ZBTB20: variants seen among roughly 807,000 people sequenced by gnomAD.
The protein encoded by ZBTB20 is zinc finger and BTB domain containing 20, also known as zinc finger and BTB domain-containing protein 20.
A neutral mutation model predicts 56.9 loss-of-function variants in ZBTB20; 9 were observed. The observed-to-expected ratio is 0.16, with a 90% CI of 0.10 to 0.28. The LOEUF (loss-of-function observed/expected upper bound fraction) is 0.28, where lower values mean the gene tolerates loss of function less well. ZBTB20 is among the 10% of genes least tolerant of loss of function. The pLI is 1.00. For synonymous variants in ZBTB20, 417 were observed against 420.7 expected, an observed-to-expected ratio of 0.99 and a Z score of 0.11; for missense variants, 655 against 1,003.0, an observed-to-expected ratio of 0.65 and a Z score of 4.69.
At chr3:114,462,618 T>C (rs993150859) in intron 7 of ZBTB20, among the ~76,000 whole-genome samples, 1 of 152,156 alleles carries the variant, frequency 6.6e-6, no homozygotes, top group African/African-American at 2.4e-5. Flanking sequence ...ATTTTTTCAA[T>C]AGAAAATATG....
chr3:114,989,030 A>T (rs1330315066), intron 2 of ZBTB20, among the ~76,000 whole-genome samples: 1 of 151,826 alleles, frequency 6.6e-6, no homozygotes, highest in African/African-American at 2.4e-5. Flanking sequence ...GATTGTAAAA[A>T]TTTTCTCCCA....
chr3:115,101,114 C>T (rs939750495), intron 1 of ZBTB20, among the ~76,000 whole-genome samples: 2 of 152,224 alleles, frequency 1.3e-5, no homozygotes, highest in African/African-American at 4.8e-5. Flanking sequence ...ATGCAATGTA[C>T]TCTGTGTGAA....
At chr3:114,560,691 C>A (rs1176572085) in intron 6 of ZBTB20, among the ~76,000 whole-genome samples, 1 of 152,190 alleles carries the variant, frequency 6.6e-6, no homozygotes, top group African/African-American at 2.4e-5. Context: ...AGATTACCAT[C>A]TGAGTGGTAA....
chr3:114,405,933 G>A (rs1278478803), intron 7 of ZBTB20, among the ~76,000 whole-genome samples: 1 of 150,582 alleles, frequency 6.6e-6, no homozygotes, highest in Non-Finnish European at 1.5e-5. Flanking sequence ...ACTTACTAGA[G>A]GCATTTTTTT....
In ZBTB20 at chr3:114,720,868, A is replaced by T. The variant is rs774901883; in HGVS notation, c.-342-27293T>A. Among the ~76,000 whole-genome samples, 9 of 152,320 alleles carry T rather than the reference A, an allele frequency of 5.9e-5. No homozygotes were observed. In the South Asian group the frequency reaches 1.0e-3, roughly 18 times the overall value. ...TAATGCCCAGAAGGAATTATTATGCAATAAAATTCAGATATTCAGAATAGG... is the reference window on the plus strand; with the variant it reads ...TAATGCCCAGAAGGAATTATTATGCTATAAAATTCAGATATTCAGAATAGG... On this transcript the variant is annotated intron_variant, in intron 5 of 11. Coordinates refer to ENST00000675478, the MANE Select transcript of ZBTB20 (RefSeq NM_001348800.3).
intron 5 of ZBTB20, among the ~76,000 whole-genome samples, chr3:114,714,297 C>A (rs1327506727): frequency 6.6e-6 from 1 of 152,188 alleles, no homozygotes; most frequent in South Asian, 2.1e-4. Context: ...TGCTTCAGGG[C>A]AAAACCTTAT....
intron 4 of ZBTB20, among the ~76,000 whole-genome samples, chr3:114,835,997 G>A (rs1251130455): frequency 1.3e-5 from 2 of 152,116 alleles, no homozygotes; most frequent in African/African-American, 2.4e-5. Context: ...GGGAAACAAC[G>A]ATCCATTCAA....
chr3:115,052,458 T>C (rs1223141714), intron 2 of ZBTB20, among the ~76,000 whole-genome samples: 2 of 149,134 alleles, frequency 1.3e-5, no homozygotes, highest in African/African-American at 2.5e-5. Flanking sequence ...CGCTTTCTCA[T>C]GGAAAAAAAA....
intron 6 of ZBTB20, among the ~76,000 whole-genome samples, chr3:114,553,981 T>A (rs2050894063): frequency 6.6e-6 from 1 of 152,214 alleles, no homozygotes. Context: ...GATAAAGAGA[T>A]GATGTCTCCT....
intron 6 of ZBTB20, among the ~76,000 whole-genome samples, chr3:114,560,156 A>G (rs557900923): frequency 1.3e-5 from 2 of 152,208 alleles, no homozygotes; most frequent in Non-Finnish European, 2.9e-5. Context: ...ATATTTTTCC[A>G]CATACTATCA....
intron 7 of ZBTB20, among the ~76,000 whole-genome samples, chr3:114,457,569 T>C (rs1035428767): frequency 1.3e-5 from 2 of 152,186 alleles, no homozygotes; most frequent in Non-Finnish European, 2.9e-5. Context: ...TCTGGGGTTG[T>C]ATTATTTCTT....
At chr3:115,078,613 G>GTATATA (rs3086037) in intron 1 of ZBTB20, among the ~76,000 whole-genome samples, 32 of 137,820 alleles carry the variant, frequency 2.3e-4, no homozygotes, top group African/African-American at 7.3e-4. Flanking sequence ...GTGTGTGTGT[G>GTATATA]TATATATATA....
chr3:114,921,453 T>C (rs763699733), intron 3 of ZBTB20, among the ~76,000 whole-genome samples: 4 of 152,122 alleles, frequency 2.6e-5, no homozygotes, highest in African/African-American at 4.8e-5. Context: ...GAGCGGATTC[T>C]ACCAAGCTTT....
chr3:114,949,275 A>G (rs2076983713), intron 3 of ZBTB20, among the ~76,000 whole-genome samples: 1 of 146,314 alleles, frequency 6.8e-6, no homozygotes, highest in Non-Finnish European at 1.5e-5. Flanking sequence ...AATGAATTTC[A>G]GGTAAAATGC....
At chr3:114,507,232 C>T (rs937224331) in intron 6 of ZBTB20, among the ~76,000 whole-genome samples, 2 of 152,146 alleles carry the variant, frequency 1.3e-5, no homozygotes, top group Admixed American at 1.3e-4. Context: ...CACAAATGCC[C>T]TGTCCATCAG....
chr3:114,456,702 T>C (rs757990595), intron 7 of ZBTB20, among the ~76,000 whole-genome samples: 8 of 152,216 alleles, frequency 5.3e-5, no homozygotes, highest in Non-Finnish European at 1.2e-4. Flanking sequence ...GGATTCCCTT[T>C]TGACAATGGG....
At chr3:114,405,904 A>T (rs955556935) in intron 7 of ZBTB20, among the ~76,000 whole-genome samples, 2 of 152,014 alleles carry the variant, frequency 1.3e-5, no homozygotes, top group Non-Finnish European at 2.9e-5. Context: ...ATTCATTCAG[A>T]TATAGTATCT....
rs1278561953 is a variant in ZBTB20 at position 114,351,469 on chromosome 3, C to T, written c.609G>A (p.Gly203=). ...VSQNVGDVFP[G]IQDSGQDTPR... Reference sequence around the variant, plus strand: ...GCGTGTCCTGGCCCGAGTCCTGGATCCCCGGGAACACATCGCCCACGTTCT... The same window carrying T: ...GCGTGTCCTGGCCCGAGTCCTGGATTCCCGGGAACACATCGCCCACGTTCT... Residue 203 remains glycine, a synonymous_variant, in exon 11 of 12, where the codon GGG becomes GGA. Coordinates refer to ENST00000675478, the MANE Select transcript of ZBTB20 (RefSeq NM_001348800.3). The T allele has an allele frequency of 1.2e-6, 2 of 1,613,780 alleles. No individual in the cohort carries two copies. Among genetic ancestry groups the T allele is most frequent in the Non-Finnish European group, 8.5e-7 (1 of 1,179,998 alleles).
At chr3:115,142,031 A>G (rs1462264406) in intron 1 of ZBTB20, among the ~76,000 whole-genome samples, 1 of 152,232 alleles carries the variant, frequency 6.6e-6, no homozygotes, top group Non-Finnish European at 1.5e-5. Flanking sequence ...CATGCTTAAA[A>G]AAATACTTCC....
Sources: gnomAD v4.1 joint callset for allele counts (sites outside exome capture counted in the v4.1 genomes callset) on GRCh38, gnomAD v4.1.1 for gene constraint, MANE v1.5 for transcripts, NCBI Gene and HGNC (gene_info 2026-07-23, HGNC 2026-07-21) for gene names.